The following CMTM8 variants were observed in gnomAD, a reference collection of about 807,000 sequenced individuals.
The protein encoded by CMTM8 is CKLF-like MARVEL transmembrane domain-containing protein 8.
CMTM8 carries 12 observed loss-of-function variants against 18.6 expected under a neutral mutation model. The ratio of observed to expected loss-of-function variants is 0.65; its 90% CI spans 0.41 to 1.05. The LOEUF is 1.05. Among genes scored for constraint, CMTM8 ranks in the 50% least tolerant of loss-of-function variants. The probability of loss-of-function intolerance (pLI) is 0.00; values close to 1 mark genes in which losing one functional copy is unlikely to be tolerated. For missense variants in CMTM8, 217 were observed against 227.2 expected (o/e 0.95, Z 0.29); for synonymous variants, 87 against 90.6 (o/e 0.96, Z 0.23).
chr3:32,270,804 G>A (rs1435327497), intron 1 of CMTM8, among the ~76,000 whole-genome samples: 1 of 152,062 alleles, frequency 6.6e-6, no homozygotes, highest in East Asian at 1.9e-4. Flanking sequence ...CACCAACATG[G>A]CACATGTATA....
intron 1 of CMTM8, among the ~76,000 whole-genome samples, chr3:32,248,804 A>G (rs539691073): frequency 6.6e-6 from 1 of 151,938 alleles, no homozygotes; most frequent in South Asian, 2.1e-4. Context: ...CCAAGTAGCT[A>G]GGACTACAGG....
At chr3:32,365,827 T>C (rs1302145732) in intron 2 of CMTM8, among the ~76,000 whole-genome samples, 1 of 152,194 alleles carries the variant, frequency 6.6e-6, no homozygotes, top group Non-Finnish European at 1.5e-5. Flanking sequence ...GGAGGAGCTA[T>C]AAGATTTTTC....
rs1040159514 is a variant in CMTM8, at chr3:32,365,330, T to C, written c.322-2542T>C. Reference sequence around the variant, plus strand: ...AAAAAAAAAAGAGAGAAAGAGAACATTTTTATACCAAGGAGGGATTGACTT... The same window carrying C: ...AAAAAAAAAAGAGAGAAAGAGAACACTTTTATACCAAGGAGGGATTGACTT... On this transcript the variant is annotated intron_variant, in intron 2 of 3. Coordinates refer to ENST00000307526, the MANE Select transcript of CMTM8 (RefSeq NM_178868.5). Among the ~76,000 whole-genome samples, 4 of 151,760 alleles carry C rather than the reference T, an allele frequency of 2.6e-5. No homozygotes were observed. In the East Asian group the frequency reaches 5.8e-4, roughly 22 times the overall value.
intron 1 of CMTM8, among the ~76,000 whole-genome samples, chr3:32,321,787 CAG>C (rs1397114143): frequency 2.6e-5 from 4 of 152,060 alleles, no homozygotes; most frequent in Non-Finnish European, 5.9e-5. Flanking sequence ...TTTGTAGAGA[CAG>C]AGTCTCACTA....
At chr3:32,251,962 T>G (rs1172767182) in intron 1 of CMTM8, among the ~76,000 whole-genome samples, 1 of 151,846 alleles carries the variant, frequency 6.6e-6, no homozygotes, top group Non-Finnish European at 1.5e-5. Context: ...TGATGGCATG[T>G]GCCTGTAGTC....
At chr3:32,286,373 T>C (rs1702686833) in intron 1 of CMTM8, among the ~76,000 whole-genome samples, 1 of 152,222 alleles carries the variant, frequency 6.6e-6, no homozygotes, top group Non-Finnish European at 1.5e-5. Context: ...GGTCCACAGT[T>C]TGTGCACTGT....
intron 1 of CMTM8, chr3:32,260,308 A>T (rs907933352): frequency 7.3e-6 from 5 of 687,482 alleles, no homozygotes; most frequent in South Asian, 3.5e-5. Flanking sequence ...AAAAAGTATT[A>T]TCTCGCTAAC....
At chr3:32,362,861 G>C (rs1000779288) in intron 2 of CMTM8, among the ~76,000 whole-genome samples, 1 of 152,164 alleles carries the variant, frequency 6.6e-6, no homozygotes, top group Non-Finnish European at 1.5e-5. Flanking sequence ...CTAAGTCCCT[G>C]CTGTCACCTG....
chr3:32,266,239 C>T (rs542407589), intron 1 of CMTM8, among the ~76,000 whole-genome samples: 29 of 152,274 alleles, frequency 1.9e-4, no homozygotes, highest in African/African-American at 7.0e-4. Context: ...AGCAACACAT[C>T]AAAAAGCTTA....
chr3:32,321,462 C>A (rs1696050652), intron 1 of CMTM8, among the ~76,000 whole-genome samples: 1 of 152,120 alleles, frequency 6.6e-6, no homozygotes, highest in Admixed American at 6.5e-5. Flanking sequence ...GATGAGTGTG[C>A]CCTCCCGAGT....
chr3:32,351,710 T>TAAAA (rs1242745836), intron 1 of CMTM8, among the ~76,000 whole-genome samples: 1 of 127,340 alleles, frequency 7.9e-6, no homozygotes. Flanking sequence ...AGACCCTGTC[T>TAAAA]CAAAAAAAAA....
intron 2 of CMTM8, among the ~76,000 whole-genome samples, chr3:32,359,332 G>A (rs1296708435): frequency 6.6e-6 from 1 of 152,162 alleles, no homozygotes; most frequent in African/African-American, 2.4e-5. Context: ...GGCCGGGCAT[G>A]GTGGCTCACA....
At chr3:32,259,701 A>G (rs1295671700) in intron 1 of CMTM8, 5 of 1,116,494 alleles carry the variant, frequency 4.5e-6, no homozygotes, top group Non-Finnish European at 6.8e-6. Flanking sequence ...ATCCAGGCCC[A>G]ATATGACGAG....
intron 1 of CMTM8, among the ~76,000 whole-genome samples, chr3:32,252,633 G>C (rs548636983): frequency 5.9e-5 from 9 of 152,300 alleles, no homozygotes; most frequent in Non-Finnish European, 1.2e-4. Context: ...TGTCAAAAAT[G>C]AATTGGATTT....
intron 1 of CMTM8, among the ~76,000 whole-genome samples, chr3:32,345,543 C>G (rs1696581318): frequency 6.6e-6 from 1 of 151,938 alleles, no homozygotes; most frequent in African/African-American, 2.4e-5. Context: ...AAAGGAGGTA[C>G]AGAAAATATA....
chr3:32,279,243 A>G (rs1702569025), intron 1 of CMTM8, among the ~76,000 whole-genome samples: 1 of 146,978 alleles, frequency 6.8e-6, no homozygotes, highest in Non-Finnish European at 1.5e-5. Flanking sequence ...TTAGTTACAT[A>G]TGTATACATG....
chr3:32,324,801 G>A (rs1201522558), intron 1 of CMTM8, among the ~76,000 whole-genome samples: 7 of 152,174 alleles, frequency 4.6e-5, no homozygotes, highest in Middle Eastern at 3.2e-3. Flanking sequence ...ATATGTGGGA[G>A]CCCCCATAGG....
At chr3:32,283,567 C>T (rs943873059) in intron 1 of CMTM8, among the ~76,000 whole-genome samples, 1 of 152,186 alleles carries the variant, frequency 6.6e-6, no homozygotes, top group African/African-American at 2.4e-5. Flanking sequence ...TCCCGGGACA[C>T]GTCTAGGCAT....
In CMTM8 at chr3:32,289,914, C is replaced by T. The variant is rs76737672; in HGVS notation, c.147+50795C>T. On this transcript the variant is annotated intron_variant, in intron 1 of 3. Coordinates refer to ENST00000307526, the MANE Select transcript of CMTM8 (RefSeq NM_178868.5). The stretch of plus-strand genomic sequence containing the variant: ...AGGAGGCCGAGGCCGGTAGATTGCT[C>T]GAGCTTAGAAGTTCAAGGTCAGCCT... 2.5e-3 allele frequency among the ~76,000 whole-genome samples: 379 copies of T among 152,198 alleles called. 1 individual carries two copies. Among genetic ancestry groups the T allele is most frequent in the African/African-American group, 8.3e-3 (346 of 41,540 alleles).
Sources: gnomAD v4.1 joint callset for allele counts (sites outside exome capture counted in the v4.1 genomes callset) on GRCh38, gnomAD v4.1.1 for gene constraint, MANE v1.5 for transcripts, NCBI Gene and HGNC (gene_info 2026-07-23, HGNC 2026-07-21) for gene names.